ERC2: variants seen among roughly 807,000 people sequenced by gnomAD.
The protein encoded by ERC2 is ELKS/RAB6-interacting/CAST family member 2.
ERC2 carries 42 observed loss-of-function variants against 114.8 expected under a neutral mutation model. The ratio of observed to expected loss-of-function variants is 0.37; its 90% CI spans 0.29 to 0.47. ERC2 has a LOEUF of 0.47. Ranked by LOEUF, ERC2 falls within the 20% of genes least tolerant of loss-of-function variation. The pLI is 0.99. For missense variants in ERC2, 939 were observed against 1,150.7 expected, an observed-to-expected ratio of 0.82 and a Z score of 2.66; for synonymous variants, 454 against 425.5, an observed-to-expected ratio of 1.07 and a Z score of -0.82.
chr3:56,003,893 T>C (rs1396759279), intron 10 of ERC2, among the ~76,000 whole-genome samples: 1 of 152,096 alleles, frequency 6.6e-6, no homozygotes, highest in Non-Finnish European at 1.5e-5. Flanking sequence ...GTGCTGAATA[T>C]TATTTTAAAC....
At chr3:55,797,983 G>C (rs2070654656) in intron 14 of ERC2, among the ~76,000 whole-genome samples, 1 of 152,144 alleles carries the variant, frequency 6.6e-6, no homozygotes, top group Non-Finnish European at 1.5e-5. Flanking sequence ...GAGAGAATGA[G>C]TGAACTAGAA....
intron 4 of ERC2, among the ~76,000 whole-genome samples, chr3:56,160,222 T>C (rs1045853842): frequency 6.6e-6 from 1 of 152,112 alleles, no homozygotes; most frequent in Non-Finnish European, 1.5e-5. Context: ...CTCACTGTGG[T>C]TTTTATTTGC....
intron 14 of ERC2, among the ~76,000 whole-genome samples, chr3:55,767,512 T>C (rs1203085165): frequency 6.6e-6 from 1 of 152,150 alleles, no homozygotes; most frequent in Non-Finnish European, 1.5e-5. Context: ...TTACTCCTTC[T>C]CTCTCAACCC....
chr3:56,178,039 G>A (rs1402304311), intron 3 of ERC2, among the ~76,000 whole-genome samples: 1 of 152,158 alleles, frequency 6.6e-6, no homozygotes, highest in African/African-American at 2.4e-5. Flanking sequence ...AAAATTGCTA[G>A]CTCCTTCAGC....
intron 7 of ERC2, among the ~76,000 whole-genome samples, chr3:56,058,145 T>A (rs1455522720): frequency 6.6e-6 from 1 of 152,206 alleles, no homozygotes; most frequent in Non-Finnish European, 1.5e-5. Context: ...TAATTCCTGA[T>A]ATCCAAACAT....
chr3:55,812,189 A>G (rs2059744162), intron 14 of ERC2, among the ~76,000 whole-genome samples: 1 of 152,210 alleles, frequency 6.6e-6, no homozygotes, highest in Non-Finnish European at 1.5e-5. Context: ...AAGCTGTGCT[A>G]AAGCAGGGGC....
chr3:55,799,233 A>G (rs1272840264), intron 14 of ERC2, among the ~76,000 whole-genome samples: 1 of 151,990 alleles, frequency 6.6e-6, no homozygotes, highest in Non-Finnish European at 1.5e-5. Flanking sequence ...CTGGCTACCT[A>G]GTGACACATT....
intron 14 of ERC2, among the ~76,000 whole-genome samples, chr3:55,871,276 T>C (rs1324517801): frequency 2.6e-5 from 4 of 152,210 alleles, no homozygotes; most frequent in Non-Finnish European, 5.9e-5. Context: ...AATTAATTAA[T>C]GCTCCAGAGC....
chr3:56,324,315 A>G (rs2057259303), intron 2 of ERC2, among the ~76,000 whole-genome samples: 1 of 152,220 alleles, frequency 6.6e-6, no homozygotes, highest in South Asian at 2.1e-4. Flanking sequence ...TACCAAGTGC[A>G]GTCTCAGGGC....
chr3:56,336,081 C>A (rs973981889), intron 2 of ERC2, among the ~76,000 whole-genome samples: 4 of 152,170 alleles, frequency 2.6e-5, no homozygotes, highest in Admixed American at 1.3e-4. Flanking sequence ...ACACCATACG[C>A]AAAAGCCCTG....
chr3:55,947,318 T>C (rs2067186873), intron 13 of ERC2, among the ~76,000 whole-genome samples: 1 of 152,192 alleles, frequency 6.6e-6, no homozygotes, highest in African/African-American at 2.4e-5. Flanking sequence ...ATTATGCATA[T>C]GCTATTTTTC....
At chr3:55,985,942 G>C in intron 12 of ERC2, 35 bp downstream of exon 12, 1 of 1,533,806 alleles carries the variant, frequency 6.5e-7, no homozygotes, top group Non-Finnish European at 8.7e-7. Context: ...GCTTAGGAGG[G>C]AAAGGCAGTT....
At chr3:56,204,014 T>C (rs143178658) in intron 3 of ERC2, among the ~76,000 whole-genome samples, 287 of 152,216 alleles carry the variant, frequency 1.9e-3, no homozygotes, top group African/African-American at 6.4e-3. Context: ...ACCCCGTCTC[T>C]ACTAAAAATA....
chr3:56,382,505 T>A (rs1484018328), intron 2 of ERC2, among the ~76,000 whole-genome samples: 2 of 152,170 alleles, frequency 1.3e-5, no homozygotes, highest in African/African-American at 4.8e-5. Flanking sequence ...ATTGATGTCA[T>A]TAGTGACCTG....
At chr3:56,305,000 C>G (rs2056124656) in intron 2 of ERC2, among the ~76,000 whole-genome samples, 1 of 151,640 alleles carries the variant, frequency 6.6e-6, no homozygotes, top group South Asian at 2.1e-4. Flanking sequence ...ACAGTAAGAC[C>G]AGAAAATAAG....
At chr3:55,550,826 C>A (rs537131507) in intron 17 of ERC2, among the ~76,000 whole-genome samples, 2 of 152,010 alleles carry the variant, frequency 1.3e-5, no homozygotes, top group Admixed American at 6.5e-5. Context: ...ACCATCCTGG[C>A]TAACACGGTG....
intron 9 of ERC2, among the ~76,000 whole-genome samples, chr3:56,009,979 G>A (rs903925505): frequency 2.0e-5 from 3 of 152,178 alleles, no homozygotes; most frequent in Admixed American, 6.5e-5. Flanking sequence ...TTGGGGTCCA[G>A]CATGGTACCA....
intron 14 of ERC2, among the ~76,000 whole-genome samples, chr3:55,832,165 A>C (rs1443464734): frequency 6.6e-6 from 1 of 152,204 alleles, no homozygotes; most frequent in South Asian, 2.1e-4. Context: ...ATAGGCTCCA[A>C]CTCTGGGGGC....
Position 56,358,814 on chromosome 3 carries a change from T to C in ERC2, c.658-62379A>G, listed in dbSNP as rs371409084. On this transcript the variant is annotated intron_variant, in intron 2 of 17. Transcript: ENST00000288221. ...TGTGAGGATGAAGTGAGATAATCCA[T>C]GTAAGACGTTTAATATACTACTTGA... 4.6e-5 allele frequency among the ~76,000 whole-genome samples: 7 copies of C among 152,360 alleles called. No individual in the cohort carries two copies. The East Asian group carries it at 7.7e-4, about 17-fold the overall frequency.
Sources: allele counts gnomAD v4.1 joint callset (sites outside exome capture counted in the v4.1 genomes callset), GRCh38; gene constraint gnomAD v4.1.1; transcripts MANE v1.5; gene names NCBI Gene and HGNC (gene_info 2026-07-23, HGNC 2026-07-21).